Variants in CNTN4 observed in about 807,000 individuals in gnomAD.
CNTN4 encodes the protein contactin-4.
A neutral mutation model predicts 122.5 loss-of-function variants in CNTN4; 77 were observed. The observed-to-expected ratio is 0.63, with a 90% CI of 0.52 to 0.76. CNTN4 has a LOEUF of 0.76. CNTN4 is among the 30% of genes least tolerant of loss of function. The probability of loss-of-function intolerance (pLI) is 0.00; values close to 1 mark genes in which losing one functional copy is unlikely to be tolerated. For synonymous variants in CNTN4, 512 were observed against 447.0 expected (o/e 1.15, Z -1.83); for missense variants, 1,256 against 1,259.1 (o/e 1.00, Z 0.04).
chr3:2,192,970 A>G (rs886268222), intron 2 of CNTN4, among the ~76,000 whole-genome samples: 2 of 152,186 alleles, frequency 1.3e-5, no homozygotes, highest in Non-Finnish European at 2.9e-5. Flanking sequence ...TATTAAGATG[A>G]CAACTGCTGA....
chr3:2,645,552 A>G (rs1421763179), intron 4 of CNTN4, among the ~76,000 whole-genome samples: 2 of 152,192 alleles, frequency 1.3e-5, no homozygotes, highest in Non-Finnish European at 2.9e-5. Flanking sequence ...TTAATTTGCT[A>G]GGGTTGAATT....
intron 3 of CNTN4, among the ~76,000 whole-genome samples, chr3:2,550,204 T>C (rs2078434567): frequency 6.6e-6 from 1 of 152,166 alleles, no homozygotes. Flanking sequence ...CTTTTTCAGT[T>C]CTGCTCTGAT....
chr3:2,593,629 G>T (rs542984095), intron 4 of CNTN4, among the ~76,000 whole-genome samples: 1 of 152,318 alleles, frequency 6.6e-6, no homozygotes, highest in South Asian at 2.1e-4. Context: ...GGCAGATGAA[G>T]ATCTTATAAG....
rs143341326 is a variant in CNTN4 at position 2,892,704 on chromosome 3, C to T, written c.940+5480C>T. 6.1e-3 allele frequency among the ~76,000 whole-genome samples: 930 copies of T among 152,224 alleles called. 9 individuals carry two copies. Among genetic ancestry groups the T allele is most frequent in the African/African-American group, 0.021 (886 of 41,536 alleles). ...TTAATATCTTTGTACAGTTTCTTCT[C>T]TTTGTAACAGGTGTTATGAGAGTTA... On this transcript the variant is annotated intron_variant, in intron 10 of 24. Coordinates refer to ENST00000418658, the MANE Select transcript of CNTN4 (RefSeq NM_175607.3).
intron 6 of CNTN4, among the ~76,000 whole-genome samples, chr3:2,758,063 ATC>A (rs2090419322): frequency 6.6e-6 from 1 of 152,072 alleles, no homozygotes; most frequent in Non-Finnish European, 1.5e-5. Flanking sequence ...GTGGTAGGTA[ATC>A]TGTTAGCTCT....
intron 5 of CNTN4, among the ~76,000 whole-genome samples, chr3:2,743,144 CCA>C (rs2089555633): frequency 6.6e-6 from 1 of 152,078 alleles, no homozygotes; most frequent in South Asian, 2.1e-4. Flanking sequence ...CTCCTAAATT[CCA>C]CACTCTGCTT....
intron 24 of CNTN4, among the ~76,000 whole-genome samples, chr3:3,055,474 A>T (rs1701697808): frequency 6.6e-6 from 1 of 152,252 alleles, no homozygotes; most frequent in South Asian, 2.1e-4. Flanking sequence ...TTGGTCAAAG[A>T]GACCTTACAA....
In CNTN4 at chr3:2,572,592, T is replaced by G. The variant is rs568524241; in HGVS notation, c.55+1034T>G. 1.6e-3 allele frequency among the ~76,000 whole-genome samples: 245 copies of G among 152,270 alleles called. 1 individual carries two copies. The highest frequency in any genetic ancestry group is 5.7e-3 in the African/African-American group (237 of 41,546). The stretch of plus-strand genomic sequence containing the variant: ...TTTGAAATTAGTCTAGTTGACTTGT[T>G]TTGTTATTCAGAGTGTCAAGTCCAA... On this transcript the variant is annotated intron_variant, in intron 4 of 24. Transcript: ENST00000418658.
At chr3:2,369,133 C>T (rs562431817) in intron 3 of CNTN4, among the ~76,000 whole-genome samples, 3 of 152,002 alleles carry the variant, frequency 2.0e-5, no homozygotes, top group African/African-American at 7.3e-5. Context: ...CCATGTTGGC[C>T]AGGCTGGTCT....
At chr3:2,116,404 C>T (rs909364655) in intron 2 of CNTN4, among the ~76,000 whole-genome samples, 3 of 152,054 alleles carry the variant, frequency 2.0e-5, no homozygotes, top group African/African-American at 4.8e-5. Context: ...GTAATTGCTA[C>T]AAAATGTCAT....
intron 14 of CNTN4, among the ~76,000 whole-genome samples, chr3:3,000,888 T>C (rs1215916145): frequency 2.0e-5 from 3 of 151,782 alleles, no homozygotes; most frequent in African/African-American, 7.3e-5. Flanking sequence ...TTCTTTTTTT[T>C]TTTTTTTTGC....
At chr3:2,322,754 A>C (rs2043314308) in intron 2 of CNTN4, among the ~76,000 whole-genome samples, 1 of 152,204 alleles carries the variant, frequency 6.6e-6, no homozygotes, top group Non-Finnish European at 1.5e-5. Context: ...AGAAACTAAA[A>C]TACTAAGCAT....
At chr3:2,393,788 G>A (rs1163499803) in intron 3 of CNTN4, among the ~76,000 whole-genome samples, 1 of 151,968 alleles carries the variant, frequency 6.6e-6, no homozygotes, top group Non-Finnish European at 1.5e-5. Context: ...AGTCCACTAT[G>A]CTCTTCAAAT....
At chr3:2,843,467 TGATA>T (rs761849667) in intron 7 of CNTN4, among the ~76,000 whole-genome samples, 11 of 152,054 alleles carry the variant, frequency 7.2e-5, no homozygotes, top group Non-Finnish European at 1.6e-4. Flanking sequence ...AAAGCCAGGG[TGATA>T]GATAGAGTTT....
chr3:2,911,414 T>G (rs2094298319), intron 12 of CNTN4, among the ~76,000 whole-genome samples: 1 of 152,170 alleles, frequency 6.6e-6, no homozygotes, highest in Non-Finnish European at 1.5e-5. Context: ...CAGAAAAGGC[T>G]TGAGAGATTT....
chr3:2,296,974 TG>T (rs1324435207), intron 2 of CNTN4, among the ~76,000 whole-genome samples: 1 of 152,188 alleles, frequency 6.6e-6, no homozygotes, highest in Non-Finnish European at 1.5e-5. Context: ...TAAAGAAGTC[TG>T]GATAGAGGAA....
At position 2,164,114 on chromosome 3, in the gene CNTN4, C is replaced by T. The variant is rs149950220; in HGVS notation, c.-145+63475C>T. ...ATGAGTGCACCAAAATCCCAGAAAT[C>T]ACCACTAAAGAACTATCTGTGTAAC... is the stretch of plus-strand genomic sequence containing the variant. On this transcript the variant is annotated intron_variant, in intron 2 of 24. Coordinates refer to ENST00000418658, the MANE Select transcript of CNTN4 (RefSeq NM_175607.3). Among the ~76,000 whole-genome samples the T allele has an allele frequency of 2.8e-3, 425 of 152,026 alleles. 1 individual carries two copies. The highest frequency in any genetic ancestry group is 9.8e-3 in the African/African-American group (407 of 41,450).
chr3:2,769,229 C>T (rs542265792), intron 6 of CNTN4, among the ~76,000 whole-genome samples: 4 of 151,934 alleles, frequency 2.6e-5, no homozygotes, highest in East Asian at 1.9e-4. Flanking sequence ...TTTGGGAGGC[C>T]GAGGCGGGCA....
chr3:2,923,772 T>C (rs1488495182), intron 12 of CNTN4, among the ~76,000 whole-genome samples: 2 of 152,246 alleles, frequency 1.3e-5, no homozygotes, highest in Non-Finnish European at 2.9e-5. Context: ...CTTATCTTTT[T>C]AATCATGTTT....
Sources: gnomAD v4.1 joint callset for allele counts (sites outside exome capture counted in the v4.1 genomes callset) on GRCh38, gnomAD v4.1.1 for gene constraint, MANE v1.5 for transcripts, NCBI Gene and HGNC (gene_info 2026-07-23, HGNC 2026-07-21) for gene names.